The following TAMM41 variants were observed in gnomAD, a reference collection of about 807,000 sequenced individuals.
TAMM41 encodes the protein TAM41 mitochondrial translocator assembly and maintenance homolog, also known as phosphatidate cytidylyltransferase, mitochondrial.
Under a neutral mutation model 44.1 loss-of-function variants are expected in TAMM41, and 36 were observed. The ratio of observed to expected loss-of-function variants is 0.82; its 90% confidence interval spans 0.63 to 1.08. The LOEUF (loss-of-function observed/expected upper bound fraction) is 1.08, where lower values mean the gene tolerates loss of function less well. Among genes scored for constraint, TAMM41 ranks in the 50% least tolerant of loss-of-function variants. The pLI is 0.00. For missense variants in TAMM41, 417 were observed against 404.3 expected (o/e 1.03, Z -0.27); for synonymous variants, 164 against 153.1 (o/e 1.07, Z -0.53).
the TAMM41 span, among the ~76,000 whole-genome samples, chr3:11,765,539 C>A: frequency 6.6e-6 from 1 of 152,170 alleles, no homozygotes; most frequent in Non-Finnish European, 1.5e-5. Flanking sequence ...AGTTTCAAAT[C>A]CTCAGGATAC....
the TAMM41 span, among the ~76,000 whole-genome samples, chr3:11,763,964 C>T: frequency 1.3e-5 from 2 of 152,304 alleles, no homozygotes; most frequent in South Asian, 2.1e-4. Flanking sequence ...AGGTCACTGA[C>T]TTTTATTTAT....
At chr3:11,761,936 G>C in the TAMM41 span, among the ~76,000 whole-genome samples, 2 of 109,216 alleles carry the variant, frequency 1.8e-5, no homozygotes, top group Admixed American at 2.5e-4. Context: ...AACAGAGCAA[G>C]ACTCTGTCTC....
intron 3 of TAMM41, among the ~76,000 whole-genome samples, chr3:11,833,461 C>T (rs945951167): frequency 3.9e-5 from 6 of 152,134 alleles, no homozygotes; most frequent in African/African-American, 1.4e-4. Context: ...ACTCAACCGC[C>T]CACCAGAACT....
intron 5 of TAMM41, 70 bp downstream of exon 5, chr3:11,817,122 C>T: frequency 3.3e-6 from 5 of 1,513,310 alleles, no homozygotes; most frequent in Admixed American, 1.8e-5. Context: ...TGCTGTTCTA[C>T]CCCTGACTTT....
At position 11,828,704 on chromosome 3, in the gene TAMM41, G is replaced by C. The variant is rs1488438257; in HGVS notation, c.562+1010C>G. 4.6e-4 allele frequency among the ~76,000 whole-genome samples: 70 copies of C among 152,220 alleles called. 1 individual carries two copies. The highest frequency in any genetic ancestry group is 4.6e-3 in the Admixed American group (70 of 15,286). On this transcript the variant is annotated intron_variant, in intron 4 of 7. Transcript: ENST00000455809. ...CTGGAAGCACCCAGAGACCAAGGTTGCTTCAACGCCTTTCTCTACAGTGTT... is the reference window on the plus strand; with the variant it reads ...CTGGAAGCACCCAGAGACCAAGGTTCCTTCAACGCCTTTCTCTACAGTGTT...
At chr3:11,747,885 T>TTTA in the TAMM41 span, among the ~76,000 whole-genome samples, 2 of 148,966 alleles carry the variant, frequency 1.3e-5, no homozygotes, top group Admixed American at 1.3e-4. Flanking sequence ...TTATTTATTT[T>TTTA]TTTTTTTGAG....
chr3:11,832,968 T>C (rs1348167384), intron 3 of TAMM41: 1 of 1,011,540 alleles, frequency 9.9e-7, no homozygotes, highest in Non-Finnish European at 1.2e-6. Context: ...GTTTGCTATT[T>C]AAGATTAAGA....
At chr3:11,755,654 G>T in the TAMM41 span, among the ~76,000 whole-genome samples, 2 of 152,076 alleles carry the variant, frequency 1.3e-5, no homozygotes, top group Non-Finnish European at 2.9e-5. Context: ...TGACCCACAT[G>T]CACCGGATGG....
At chr3:11,824,938 G>T (rs999459961) in intron 4 of TAMM41, among the ~76,000 whole-genome samples, 28 of 152,164 alleles carry the variant, frequency 1.8e-4, no homozygotes, top group Non-Finnish European at 3.4e-4. Context: ...AGGCCTCCAT[G>T]ATAAGCCAGA....
chr3:11,826,015 C>T (rs561683634), intron 4 of TAMM41, among the ~76,000 whole-genome samples: 1 of 152,222 alleles, frequency 6.6e-6, no homozygotes, highest in South Asian at 2.1e-4. Flanking sequence ...GAAGTCAGTG[C>T]CTCCTTTGCC....
chr3:11,767,156 C>T, the TAMM41 span, among the ~76,000 whole-genome samples: 7 of 152,148 alleles, frequency 4.6e-5, no homozygotes, highest in Non-Finnish European at 1.0e-4. Flanking sequence ...GCAACCTCCG[C>T]CCTCTGGGTT....
the TAMM41 span, among the ~76,000 whole-genome samples, chr3:11,752,525 A>G: frequency 6.8e-6 from 1 of 147,546 alleles, no homozygotes; most frequent in Non-Finnish European, 1.5e-5. Flanking sequence ...AGTGCTGATT[A>G]GGGCATTTTA....
Position 11,790,448 on chromosome 3 carries a change from C to A in TAMM41, c.*57G>T. ...GTCAAAGTAACAAACACTGTTCTGT[C>A]AAAAAGGATCAAACACTTTATTCAT... On this transcript the variant is annotated 3_prime_UTR_variant, in exon 8 of 8. Transcript: ENST00000455809. 6.8e-7 allele frequency: 1 copy of A among 1,464,298 alleles called. No homozygotes were observed. Among genetic ancestry groups the A allele is most frequent in the South Asian group, 1.1e-5 (1 of 87,358 alleles). The allele number at this position is 1,464,298 out of a possible 1,614,324, so 90.7% of individuals were successfully genotyped here. A position where few individuals can be genotyped will look rare whatever the true frequency, so the allele number is the denominator to read the frequency against.
the TAMM41 span, among the ~76,000 whole-genome samples, chr3:11,764,551 G>A: frequency 3.5e-4 from 45 of 130,340 alleles, no homozygotes; most frequent in Non-Finnish European, 4.0e-4. Flanking sequence ...GGAGTTCAGT[G>A]GCGCGATCTC....
the TAMM41 span, among the ~76,000 whole-genome samples, chr3:11,728,443 A>G: frequency 1.3e-5 from 2 of 152,260 alleles, no homozygotes; most frequent in Admixed American, 1.3e-4. Context: ...CAAGGTTCAA[A>G]TATTTGCAAA....
At chr3:11,781,736 AAATAATAATAATAATAATAAT>A in the TAMM41 span, among the ~76,000 whole-genome samples, 20 of 123,080 alleles carry the variant, frequency 1.6e-4, no homozygotes, top group Non-Finnish European at 1.6e-5. Context: ...CTCCATCTCA[AAATAATAATAATAATAATAAT>A]AATAATAATA....
At chr3:11,745,138 C>A in the TAMM41 span, among the ~76,000 whole-genome samples, 1 of 152,136 alleles carries the variant, frequency 6.6e-6, no homozygotes, top group Non-Finnish European at 1.5e-5. Context: ...GCTGGGATTA[C>A]AGGCATGAGC....
chr3:11,752,632 T>C, the TAMM41 span, among the ~76,000 whole-genome samples: 5 of 95,770 alleles, frequency 5.2e-5, no homozygotes, highest in Admixed American at 4.4e-4. Flanking sequence ...AAGCTTTTTT[T>C]TTTTTTTTTT....
Position 11,817,335 on chromosome 3 carries a change from C to T in TAMM41, c.565G>A (p.Asp189Asn). ...TCTTCTCCAACCACCATCCGAAAGT[C>T]ACCTAGTTAAAACAAAGAGATAAAC... ...IEIAGLSYSG[D>N]FRMVVGEDKT... is the part of the protein sequence containing the mutation. Residue 189 changes from aspartate (D) to asparagine (N), a missense_variant and splice_region_variant, in exon 5 of 8, where the codon GAC becomes AAC. Coordinates refer to ENST00000455809, the MANE Select transcript of TAMM41 (RefSeq NM_001284401.2). 7.5e-6 allele frequency: 12 copies of T among 1,607,044 alleles called. No individual in the cohort carries two copies. Among genetic ancestry groups the T allele is most frequent in the Non-Finnish European group, 1.0e-5 (12 of 1,174,348 alleles).
Sources: allele counts gnomAD v4.1 joint callset (sites outside exome capture counted in the v4.1 genomes callset), GRCh38; gene constraint gnomAD v4.1.1; transcripts MANE v1.5; gene names NCBI Gene and HGNC (gene_info 2026-07-23, HGNC 2026-07-21).